F8: variants seen among roughly 807,000 people sequenced by gnomAD.
F8 encodes antihemophilic factor.
In F8, 12 loss-of-function variants were observed where a neutral mutation model predicts 140.6. The ratio of observed to expected loss-of-function variants is 0.09; its 90% CI spans 0.05 to 0.14. The LOEUF (loss-of-function observed/expected upper bound fraction) is 0.14, where lower values mean the gene tolerates loss of function less well. Among genes scored for constraint, F8 ranks in the 10% least tolerant of loss-of-function variants. The pLI is 1.00. For synonymous variants in F8, 585 were observed against 614.6 expected, an observed-to-expected ratio of 0.95 and a Z score of 0.71; for missense variants, 1,354 against 1,720.7, an observed-to-expected ratio of 0.79 and a Z score of 3.77.
intron 22 of F8, among the ~76,000 whole-genome samples, chrX:154,894,654 G>A (rs1458770345): frequency 9.1e-6 from 1 of 109,887 alleles, no homozygotes; most frequent in Non-Finnish European, 1.9e-5. Flanking sequence ...GGGAGGCAGA[G>A]GTTGCAGTGA....
chrX:155,013,391 CCACCA>C (rs1557286802), intron 1 of F8, among the ~76,000 whole-genome samples: 1 of 110,719 alleles, frequency 9.0e-6, no homozygotes, highest in Non-Finnish European at 1.9e-5. Flanking sequence ...CTCTTGTCTG[CCACCA>C]TGCCATATAA....
intron 25 of F8, among the ~76,000 whole-genome samples, chrX:154,841,290 G>A (rs1603431030): frequency 1.5e-5 from 1 of 67,624 alleles, no homozygotes; most frequent in African/African-American, 5.9e-5. Flanking sequence ...TTTTCTACTT[G>A]TAAATATAAA....
At chrX:154,854,000 C>T (rs2072633854) in intron 25 of F8, among the ~76,000 whole-genome samples, 1 of 111,006 alleles carries the variant, frequency 9.0e-6, no homozygotes, top group Non-Finnish European at 1.9e-5. Context: ...TATTGTGCAC[C>T]CATTACCACT....
At chrX:154,988,270 A>G (rs1256354403) in intron 4 of F8, among the ~76,000 whole-genome samples, 2 of 112,399 alleles carry the variant, frequency 1.8e-5, no homozygotes, top group Non-Finnish European at 3.8e-5. Context: ...TAGGTCATCT[A>G]AATTACTTTG....
intron 13 of F8, among the ~76,000 whole-genome samples, chrX:154,941,967 A>G (rs1452124819): frequency 1.9e-5 from 2 of 104,673 alleles, no homozygotes; most frequent in African/African-American, 7.0e-5. Context: ...TTTGAAACCA[A>G]TGAGAACAAA....
chrX:154,893,773 A>G (rs2072963151), intron 22 of F8, among the ~76,000 whole-genome samples: 1 of 111,794 alleles, frequency 8.9e-6, no homozygotes, highest in Non-Finnish European at 1.9e-5. Flanking sequence ...TTTACCCCAA[A>G]ACATGTTTTT....
At chrX:154,861,969 C>A in intron 23 of F8, 103 bp from the exon 24 acceptor site, 2 of 903,219 alleles carry the variant, frequency 2.2e-6, no homozygotes, top group South Asian at 2.0e-5. Context: ...ATCATAATAT[C>A]ATTTCTCAGG....
At chrX:154,837,906 T>C (rs1569559196) in intron 25 of F8, among the ~76,000 whole-genome samples, 154 bp from the exon 26 acceptor site, 1 of 112,179 alleles carries the variant, frequency 8.9e-6, no homozygotes, top group Non-Finnish European at 1.9e-5. Flanking sequence ...CTGGGACATC[T>C]AGAATTAAGA....
intron 14 of F8, among the ~76,000 whole-genome samples, chrX:154,920,537 GA>G (rs1485045362): frequency 9.1e-6 from 1 of 109,864 alleles, no homozygotes; most frequent in Non-Finnish European, 1.9e-5. Context: ...CTGTAGCCTT[GA>G]CCCCCCCAGG....
chrX:155,001,277 G>C (rs1245316326), intron 1 of F8, among the ~76,000 whole-genome samples: 1 of 103,916 alleles, frequency 9.6e-6, no homozygotes, highest in East Asian at 3.0e-4. Context: ...TTTAATAATT[G>C]TGGTAAAATA....
At chrX:154,967,503 G>A (rs1433198296) in intron 7 of F8, among the ~76,000 whole-genome samples, 1 of 111,854 alleles carries the variant, frequency 8.9e-6, no homozygotes, top group East Asian at 2.8e-4. Context: ...GAACAGGGAA[G>A]GTTTTAGGAG....
intron 25 of F8, among the ~76,000 whole-genome samples, chrX:154,854,319 T>C (rs1557272338): frequency 8.9e-6 from 1 of 112,617 alleles, no homozygotes; most frequent in Non-Finnish European, 1.9e-5. Context: ...TGGGTAGAAC[T>C]TATCCAATCA....
At chrX:154,878,976 A>T (rs2072839485) in intron 22 of F8, among the ~76,000 whole-genome samples, 2 of 112,598 alleles carry the variant, frequency 1.8e-5, no homozygotes, top group Admixed American at 9.4e-5. Context: ...AACATTGCTG[A>T]AAGATATTAG....
chrX:155,012,799 T>C (rs1488592028), intron 1 of F8, among the ~76,000 whole-genome samples: 1 of 110,045 alleles, frequency 9.1e-6, no homozygotes, highest in Non-Finnish European at 1.9e-5. Context: ...ATGATACCAA[T>C]TCTACACAAA....
intron 6 of F8, among the ~76,000 whole-genome samples, chrX:154,979,810 T>C (rs782385858): frequency 2.1e-4 from 24 of 111,936 alleles, no homozygotes; most frequent in Non-Finnish European, 3.6e-4. Flanking sequence ...AATGGTGCTG[T>C]GCTGCAGCTG....
intron 22 of F8, among the ~76,000 whole-genome samples, chrX:154,881,783 C>T (rs1234599718): frequency 1.5e-4 from 17 of 112,389 alleles, no homozygotes; most frequent in African/African-American, 5.6e-4. Flanking sequence ...GTTGATTTCC[C>T]CCTAAGATCA....
At chrX:155,008,512 C>T (rs1360170970) in intron 1 of F8, among the ~76,000 whole-genome samples, 3 of 111,876 alleles carry the variant, frequency 2.7e-5, no homozygotes, top group African/African-American at 9.8e-5. Flanking sequence ...CGGGCAGGAG[C>T]GTGCAGCTGA....
intron 1 of F8, among the ~76,000 whole-genome samples, chrX:155,011,150 C>T (rs1237948694): frequency 1.8e-5 from 2 of 111,983 alleles, no homozygotes; most frequent in East Asian, 5.5e-4. Context: ...ATTTTCATGT[C>T]ATAGCTCTGA....
chrX:154,943,377 G>A (rs1332999296), intron 13 of F8, among the ~76,000 whole-genome samples: 2 of 111,555 alleles, frequency 1.8e-5, no homozygotes, highest in African/African-American at 6.5e-5. Flanking sequence ...ACCAATAACA[G>A]GCAAACAGAG....
Sources: allele counts gnomAD v4.1 joint callset (sites outside exome capture counted in the v4.1 genomes callset), GRCh38; gene constraint gnomAD v4.1.1; transcripts MANE v1.5; gene names NCBI Gene and HGNC (gene_info 2026-07-23, HGNC 2026-07-21).